CSMD3: variants seen among roughly 807,000 people sequenced by gnomAD.
CSMD3 encodes the protein CUB and Sushi multiple domains 3, also known as CUB and sushi domain-containing protein 3.
CSMD3 carries 177 observed loss-of-function variants against 435.2 expected under a neutral mutation model. The ratio of observed to expected loss-of-function variants is 0.41; its 90% CI spans 0.36 to 0.46. The LOEUF is 0.46. Among genes scored for constraint, CSMD3 ranks in the 20% least tolerant of loss-of-function variants. The pLI is 0.34. For synonymous variants in CSMD3, 1,656 were observed against 1,520.5 expected (o/e 1.09, Z -2.07); for missense variants, 4,265 against 4,504.6 (o/e 0.95, Z 1.52).
intron 12 of CSMD3, among the ~76,000 whole-genome samples, chr8:112,801,028 A>C (rs192278423): frequency 2.1e-4 from 32 of 152,124 alleles, no homozygotes; most frequent in African/African-American, 7.7e-4. Flanking sequence ...GGTTGCGGGG[A>C]AGTCCATCAA....
chr8:112,952,946 G>A (rs1360413104), intron 8 of CSMD3, among the ~76,000 whole-genome samples: 2 of 151,022 alleles, frequency 1.3e-5, no homozygotes, highest in African/African-American at 2.4e-5. Flanking sequence ...CAAGAAAAGT[G>A]GAAATAATAT....
intron 5 of CSMD3, among the ~76,000 whole-genome samples, chr8:113,051,207 C>T (rs1255322858): frequency 6.6e-6 from 1 of 152,102 alleles, no homozygotes; most frequent in Non-Finnish European, 1.5e-5. Flanking sequence ...CTGTTGGTTA[C>T]ATTAGCCTGG....
At chr8:112,585,217 A>G (rs7012548) in intron 23 of CSMD3, among the ~76,000 whole-genome samples, 90,435 of 150,778 alleles carry the variant, frequency 0.6, 28,164 homozygotes, top group African/African-American at 0.77. Context: ...AAGCCTATGA[A>G]TAGAAGGATA....
At chr8:112,669,775 T>G (rs577756659) in intron 16 of CSMD3, among the ~76,000 whole-genome samples, 1 of 152,288 alleles carries the variant, frequency 6.6e-6, no homozygotes, top group African/African-American at 2.4e-5. Context: ...CTAATGAACA[T>G]TTATGGAATG....
intron 10 of CSMD3, among the ~76,000 whole-genome samples, chr8:112,873,729 G>A (rs907242714): frequency 7.2e-5 from 11 of 152,154 alleles, no homozygotes; most frequent in Non-Finnish European, 8.8e-5. Context: ...TCTGATGGTA[G>A]TTTGTATTTC....
chr8:112,982,351 T>C (rs2085084459), intron 6 of CSMD3, among the ~76,000 whole-genome samples: 2 of 151,948 alleles, frequency 1.3e-5, no homozygotes, highest in East Asian at 1.9e-4. Context: ...AGAAGAATCA[T>C]GGCATCATTG....
At chr8:112,336,934 T>C (rs1244295048) in intron 43 of CSMD3, 105 bp from the exon 44 acceptor site, 2 of 949,128 alleles carry the variant, frequency 2.1e-6, no homozygotes, top group Non-Finnish European at 3.3e-6. Flanking sequence ...TGAAACACAT[T>C]TATGCCTTGT....
At chr8:113,102,655 A>C (rs1314147222) in intron 4 of CSMD3, among the ~76,000 whole-genome samples, 1 of 152,096 alleles carries the variant, frequency 6.6e-6, no homozygotes, top group African/African-American at 2.4e-5. Flanking sequence ...ACAAAGCAAA[A>C]TAGTAAGCAG....
chr8:112,978,354 C>A (rs749310472), intron 6 of CSMD3, among the ~76,000 whole-genome samples: 6 of 151,866 alleles, frequency 4.0e-5, no homozygotes, highest in African/African-American at 1.5e-4. Flanking sequence ...GTCAATAAAT[C>A]TGAGATAATC....
intron 6 of CSMD3, among the ~76,000 whole-genome samples, chr8:112,976,803 C>A (rs1048734341): frequency 9.9e-5 from 15 of 151,920 alleles, no homozygotes; most frequent in African/African-American, 3.6e-4. Context: ...TTTAGTTTAA[C>A]CAATTCTGAA....
intron 22 of CSMD3, among the ~76,000 whole-genome samples, chr8:112,591,423 G>C (rs992363799): frequency 6.6e-6 from 1 of 152,080 alleles, no homozygotes; most frequent in Non-Finnish European, 1.5e-5. Flanking sequence ...ACTGGGATAA[G>C]AAAATCTGGT....
At chr8:112,571,909 T>C (rs1442361856) in intron 24 of CSMD3, among the ~76,000 whole-genome samples, 3 of 141,762 alleles carry the variant, frequency 2.1e-5, no homozygotes, top group Non-Finnish European at 4.7e-5. Context: ...AGAAAGAAAA[T>C]AAAAGAAATG....
At chr8:112,972,850 A>T (rs1333209855) in intron 7 of CSMD3, among the ~76,000 whole-genome samples, 1 of 151,970 alleles carries the variant, frequency 6.6e-6, no homozygotes, top group Non-Finnish European at 1.5e-5. Context: ...AGGAAAATTT[A>T]TAGGGCTGAT....
intron 32 of CSMD3, among the ~76,000 whole-genome samples, chr8:112,452,727 A>AT (rs1349678302): frequency 5.9e-5 from 9 of 152,076 alleles, no homozygotes; most frequent in East Asian, 1.9e-4. Context: ...TAAATAATGC[A>AT]TTTTTTCTTT....
intron 38 of CSMD3, among the ~76,000 whole-genome samples, chr8:112,367,459 T>C (rs2131155554): frequency 6.6e-6 from 1 of 152,288 alleles, no homozygotes; most frequent in East Asian, 1.9e-4. Context: ...ACTGTTATCA[T>C]GTAAGAAGTG....
In CSMD3 at chr8:113,412,352, G is replaced by A. The variant is rs575046300; in HGVS notation, c.178+24325C>T. On this transcript the variant is annotated intron_variant, in intron 1 of 70. Coordinates refer to ENST00000297405, the MANE Select transcript of CSMD3 (RefSeq NM_198123.2). The stretch of plus-strand genomic sequence containing the variant: ...GTCTTGTCTTCTCTACATGGGACTC[G>A]TATTACTTGAACTGGGTGGACTTGC... Among the ~76,000 whole-genome samples, 44 of 152,150 alleles carry A rather than the reference G, an allele frequency of 2.9e-4. No homozygotes were observed. In the South Asian group the frequency reaches 4.1e-3, roughly 14 times the overall value.
At position 112,574,369 on chromosome 8, in the gene CSMD3, C is replaced by T. The variant is rs191419365; in HGVS notation, c.3886-712G>A. Among the ~76,000 whole-genome samples, 599 of 151,962 alleles carry T rather than the reference C, an allele frequency of 3.9e-3. 4 individuals are homozygous for T. Among genetic ancestry groups the T allele is most frequent in the African/African-American group, 0.012 (511 of 41,500 alleles). ...GTGACTCCATCATAACTTGCTCTAC[C>T]GTTCCCGTATTAATGAACTCAAGTT... On this transcript the variant is annotated intron_variant, in intron 23 of 70. Transcript: ENST00000297405.
intron 5 of CSMD3, among the ~76,000 whole-genome samples, chr8:113,041,217 A>AG (rs1190519642): frequency 0.03 from 649 of 21,350 alleles, 6 homozygotes; most frequent in African/African-American, 0.069. Flanking sequence ...AAAAAAAAAA[A>AG]GGGGGGGGTG....
intron 22 of CSMD3, among the ~76,000 whole-genome samples, chr8:112,615,236 T>C (rs1358147519): frequency 6.6e-6 from 1 of 152,140 alleles, no homozygotes; most frequent in Non-Finnish European, 1.5e-5. Flanking sequence ...ATAAAATGCA[T>C]GAACTTGAAC....
Sources: gnomAD v4.1 joint callset for allele counts (sites outside exome capture counted in the v4.1 genomes callset) on GRCh38, gnomAD v4.1.1 for gene constraint, MANE v1.5 for transcripts, NCBI Gene and HGNC (gene_info 2026-07-23, HGNC 2026-07-21) for gene names.